The following GTF2F2 variants were observed in gnomAD, a reference collection of about 807,000 sequenced individuals.
The protein encoded by GTF2F2 is ATP-dependent helicase GTF2F2.
GTF2F2 carries 23 observed loss-of-function variants against 42.2 expected under a neutral mutation model. The observed-to-expected ratio is 0.55, with a 90% confidence interval of 0.39 to 0.77. GTF2F2 has a LOEUF of 0.77. GTF2F2 is among the 30% of genes least tolerant of loss of function. The pLI is 0.00. For missense variants in GTF2F2, 261 were observed against 287.2 expected (o/e 0.91, Z 0.66); for synonymous variants, 105 against 100.8 (o/e 1.04, Z -0.25).
intron 6 of GTF2F2, among the ~76,000 whole-genome samples, chr13:45,258,570 T>C (rs964899845): frequency 3.3e-5 from 5 of 152,210 alleles, no homozygotes; most frequent in Non-Finnish European, 7.3e-5. Context: ...GTGTTGTACC[T>C]TGTTATATTA....
At chr13:45,234,696 A>G (rs1224429348) in intron 5 of GTF2F2, among the ~76,000 whole-genome samples, 1 of 152,214 alleles carries the variant, frequency 6.6e-6, no homozygotes, top group African/African-American at 2.4e-5. Context: ...TCATCAGACT[A>G]TACCAGACCA....
intron 5 of GTF2F2, among the ~76,000 whole-genome samples, chr13:45,212,554 TTC>T (rs1873731209): frequency 7.5e-6 from 1 of 134,212 alleles, no homozygotes; most frequent in Non-Finnish European, 1.5e-5. Flanking sequence ...CTCTCTCTCT[TTC>T]TCTCTTTCTT....
At position 45,245,666 on chromosome 13, in the gene GTF2F2, AATATATATATATATATAT is replaced by A. The variant is rs372488927; in HGVS notation, c.387-7187_387-7170del. On this transcript the variant is annotated intron_variant, in intron 5 of 7. Coordinates refer to ENST00000340473, the MANE Select transcript of GTF2F2 (RefSeq NM_004128.3). Reference sequence around the variant, plus strand: ...TGGCTGAGTAGTATTCCATGGTGTGAATATATATATATATATATATATATATATATATATACATATACA... The same window carrying A: ...TGGCTGAGTAGTATTCCATGGTGTGAATATATATATATATATACATATACA... 2.9e-3 allele frequency among the ~76,000 whole-genome samples: 323 copies of A among 110,860 alleles called. 2 individuals carry two copies. Among genetic ancestry groups the A allele is most frequent in the African/African-American group, 6.2e-3 (160 of 25,806 alleles). 72.7% of individuals were successfully genotyped at this position (110,860 alleles called of 152,430 possible).
chr13:45,175,822 CTG>C (rs1333439914), intron 4 of GTF2F2, among the ~76,000 whole-genome samples: 1 of 152,138 alleles, frequency 6.6e-6, no homozygotes, highest in Non-Finnish European at 1.5e-5. Flanking sequence ...TGGGGTTTCT[CTG>C]TGTTGGTCGG....
At chr13:45,265,012 G>T (rs915281420) in intron 6 of GTF2F2, among the ~76,000 whole-genome samples, 1 of 152,124 alleles carries the variant, frequency 6.6e-6, no homozygotes, top group Non-Finnish European at 1.5e-5. Context: ...TGTAATCCTA[G>T]CACTTTGGGA....
intron 4 of GTF2F2, among the ~76,000 whole-genome samples, chr13:45,168,294 A>G (rs1871400896): frequency 6.6e-6 from 1 of 152,178 alleles, no homozygotes; most frequent in Non-Finnish European, 1.5e-5. Context: ...CAACTTTTAC[A>G]TCTCGGCACC....
chr13:45,145,098 T>C (rs1304609136), intron 2 of GTF2F2, among the ~76,000 whole-genome samples: 1 of 147,420 alleles, frequency 6.8e-6, no homozygotes, highest in African/African-American at 2.7e-5. Context: ...ACTGGGATAA[T>C]GAGAAAGCTA....
intron 4 of GTF2F2, among the ~76,000 whole-genome samples, chr13:45,179,680 G>C (rs950623053): frequency 1.3e-5 from 2 of 152,148 alleles, no homozygotes; most frequent in African/African-American, 4.8e-5. Flanking sequence ...CATGACCACA[G>C]GGAATCTCAT....
chr13:45,216,868 G>A (rs1322063599), intron 5 of GTF2F2, among the ~76,000 whole-genome samples: 1 of 151,868 alleles, frequency 6.6e-6, no homozygotes, highest in African/African-American at 2.4e-5. Flanking sequence ...TCCTTGTGGG[G>A]GTCTGACCTC....
At chr13:45,266,073 G>A (rs1876548453) in intron 6 of GTF2F2, among the ~76,000 whole-genome samples, 3 of 152,226 alleles carry the variant, frequency 2.0e-5, no homozygotes, top group Non-Finnish European at 2.9e-5. Context: ...ACAGTCCCAG[G>A]ATGGTAACAG....
chr13:45,162,663 A>T (rs17066500), intron 4 of GTF2F2, among the ~76,000 whole-genome samples: 1,821 of 152,330 alleles, frequency 0.012, 31 homozygotes, highest in African/African-American at 0.037. Flanking sequence ...GTATTCATGC[A>T]TAAATATGTG....
chr13:45,212,844 C>T (rs1259488338), intron 5 of GTF2F2, among the ~76,000 whole-genome samples: 4 of 151,784 alleles, frequency 2.6e-5, no homozygotes, highest in African/African-American at 4.8e-5. Flanking sequence ...CACCTCCAAG[C>T]GATTCTCCCA....
At chr13:45,282,724 C>T (rs1320720418) in intron 7 of GTF2F2, among the ~76,000 whole-genome samples, 2 of 152,092 alleles carry the variant, frequency 1.3e-5, no homozygotes, top group African/African-American at 4.8e-5. Flanking sequence ...AGGCTGGTCT[C>T]GAACTCCTGA....
At chr13:45,270,407 C>T (rs1441348807) in intron 7 of GTF2F2, among the ~76,000 whole-genome samples, 2 of 152,134 alleles carry the variant, frequency 1.3e-5, no homozygotes, top group African/African-American at 4.8e-5. Flanking sequence ...ATTTTGGAGG[C>T]TGAGAAGTCC....
chr13:45,266,707 G>A (rs1213636986), intron 6 of GTF2F2, among the ~76,000 whole-genome samples: 1 of 152,184 alleles, frequency 6.6e-6, no homozygotes, highest in Non-Finnish European at 1.5e-5. Context: ...TAAAGCTTTA[G>A]GGGATAATGA....
At chr13:45,233,110 A>T (rs1197609530) in intron 5 of GTF2F2, among the ~76,000 whole-genome samples, 1 of 152,210 alleles carries the variant, frequency 6.6e-6, no homozygotes, top group Non-Finnish European at 1.5e-5. Context: ...CACAAAGCTG[A>T]GTACAGTGGT....
intron 1 of GTF2F2, among the ~76,000 whole-genome samples, chr13:45,124,806 T>C (rs1378780630): frequency 1.3e-5 from 2 of 151,956 alleles, no homozygotes. Context: ...CCTCGTGATC[T>C]GCCTGCCTTG....
In GTF2F2 at chr13:45,279,274, G is replaced by C. The variant is rs190866552; in HGVS notation, c.631-4168G>C. On this transcript the variant is annotated intron_variant, in intron 7 of 7. Transcript: ENST00000340473. ...ATATGAATGTTAAAAAGAGAAATAAGATTACCAAGTAATTTTCAATCCTGG... is the reference window on the plus strand; with the variant it reads ...ATATGAATGTTAAAAAGAGAAATAACATTACCAAGTAATTTTCAATCCTGG... 5.3e-4 allele frequency among the ~76,000 whole-genome samples: 81 copies of C among 152,254 alleles called. 1 individual carries two copies. Among genetic ancestry groups the C allele is most frequent in the Admixed American group, 5.2e-3 (80 of 15,278 alleles).
At chr13:45,280,736 ATTTTTTGTTTAACCC>A (rs1237501519) in intron 7 of GTF2F2, among the ~76,000 whole-genome samples, 1 of 152,152 alleles carries the variant, frequency 6.6e-6, no homozygotes, top group East Asian at 1.9e-4. Flanking sequence ...CTTTATTAAT[ATTTTTTGTTTAACCC>A]TTTTTAGGAT....
Sources: allele counts gnomAD v4.1 joint callset (sites outside exome capture counted in the v4.1 genomes callset), GRCh38; gene constraint gnomAD v4.1.1; transcripts MANE v1.5; gene names NCBI Gene and HGNC (gene_info 2026-07-23, HGNC 2026-07-21).